The following THRB variants were observed in gnomAD, a reference collection of about 807,000 sequenced individuals.
THRB encodes nuclear receptor subfamily 1 group A member 2.
A neutral mutation model predicts 47.8 loss-of-function variants in THRB; 12 were observed. The observed-to-expected ratio is 0.25, with a 90% CI of 0.16 to 0.41. The LOEUF (loss-of-function observed/expected upper bound fraction) is 0.41. THRB is among the 10% of genes least tolerant of loss of function. THRB has a pLI of 1.00. For synonymous variants in THRB, 218 were observed against 212.2 expected (o/e 1.03, Z -0.24); for missense variants, 348 against 589.2 (o/e 0.59, Z 4.24).
chr3:24,259,619 C>CTT (rs1559757815), intron 3 of THRB, among the ~76,000 whole-genome samples: 2 of 52,468 alleles, frequency 3.8e-5, no homozygotes, highest in African/African-American at 1.4e-4. Context: ...GCTCTGCTTA[C>CTT]CTTTTTTTTT....
At position 24,141,379 on chromosome 3, in the gene THRB, CACA is replaced by C. The variant is rs576430880; in HGVS notation, c.738+2119_738+2121del. ...GTGGTTTCTCTGCTTCCAGACATAGCACAACGTCATCTCCTCAGAGATGCTTCT... is the reference window on the plus strand; with the variant it reads ...GTGGTTTCTCTGCTTCCAGACATAGCACGTCATCTCCTCAGAGATGCTTCT... On this transcript the variant is annotated intron_variant, in intron 8 of 10. Coordinates refer to ENST00000646209, the MANE Select transcript of THRB (RefSeq NM_001354712.2). 2.5e-3 allele frequency among the ~76,000 whole-genome samples: 381 copies of C among 152,296 alleles called. 3 individuals are homozygous for C. Among genetic ancestry groups the C allele is most frequent in the African/African-American group, 8.6e-3 (356 of 41,546 alleles).
At chr3:24,478,689 G>A (rs1410660517) in intron 1 of THRB, among the ~76,000 whole-genome samples, 3 of 152,130 alleles carry the variant, frequency 2.0e-5, no homozygotes, top group South Asian at 4.2e-4. Context: ...ATTGGCCCAC[G>A]GAGCAGGAGG....
At chr3:24,398,344 C>T (rs1455355802) in intron 1 of THRB, among the ~76,000 whole-genome samples, 1 of 152,030 alleles carries the variant, frequency 6.6e-6, no homozygotes, top group Non-Finnish European at 1.5e-5. Context: ...TGACAAAGGG[C>T]TAATATCCAG....
At chr3:24,207,998 C>T (rs947977126) in intron 4 of THRB, among the ~76,000 whole-genome samples, 1 of 152,200 alleles carries the variant, frequency 6.6e-6, no homozygotes, top group East Asian at 1.9e-4. Flanking sequence ...TTCAGCAAAG[C>T]CTCAGGACAC....
chr3:24,436,430 T>G (rs1280083348), intron 1 of THRB, among the ~76,000 whole-genome samples: 9 of 151,698 alleles, frequency 5.9e-5, no homozygotes, highest in Admixed American at 5.9e-4. Flanking sequence ...AAAGACGGAG[T>G]CAGAACTCAA....
At chr3:24,147,915 AATG>A (rs1336464102) in intron 6 of THRB, among the ~76,000 whole-genome samples, 1 of 152,100 alleles carries the variant, frequency 6.6e-6, no homozygotes, top group Non-Finnish European at 1.5e-5. Context: ...ACCACCCAGC[AATG>A]ACCCCCACCT....
chr3:24,127,781 G>C, intron 9 of THRB, 24 bp from the exon 10 acceptor site: 1 of 1,614,140 alleles, frequency 6.2e-7, no homozygotes, highest in Non-Finnish European at 8.5e-7. Flanking sequence ...GTTCATGTCA[G>C]CAAAGAACAA....
At chr3:24,372,233 G>T (rs1197259965) in intron 1 of THRB, among the ~76,000 whole-genome samples, 1 of 151,992 alleles carries the variant, frequency 6.6e-6, no homozygotes, top group African/African-American at 2.4e-5. Context: ...TATAGTATTT[G>T]CTGATTTTCA....
At chr3:24,178,215 G>A (rs1276956471) in intron 5 of THRB, among the ~76,000 whole-genome samples, 6 of 152,106 alleles carry the variant, frequency 3.9e-5, no homozygotes, top group African/African-American at 1.4e-4. Context: ...AGATATAAGT[G>A]GTTTGGAAGA....
chr3:24,377,550 G>A (rs1312857658), intron 1 of THRB, among the ~76,000 whole-genome samples: 1 of 152,150 alleles, frequency 6.6e-6, no homozygotes, highest in Non-Finnish European at 1.5e-5. Flanking sequence ...ATTTAGCTCT[G>A]TCAAAAGGAT....
At chr3:24,446,025 C>G (rs1336334946) in intron 1 of THRB, among the ~76,000 whole-genome samples, 1 of 151,992 alleles carries the variant, frequency 6.6e-6, no homozygotes, top group Non-Finnish European at 1.5e-5. Context: ...GAGAAAAAAA[C>G]TGGAAGAAAA....
chr3:24,461,669 T>C (rs2073714691), intron 1 of THRB, among the ~76,000 whole-genome samples: 1 of 152,144 alleles, frequency 6.6e-6, no homozygotes, highest in Admixed American at 6.6e-5. Context: ...TCTAGTGAAA[T>C]GAAATAATTG....
intron 5 of THRB, among the ~76,000 whole-genome samples, chr3:24,174,722 T>C (rs965216015): frequency 6.6e-6 from 1 of 152,174 alleles, no homozygotes; most frequent in African/African-American, 2.4e-5. Context: ...TCACACACAG[T>C]TTCCTGCGTA....
At chr3:24,132,607 A>T (rs1201843428) in intron 9 of THRB, among the ~76,000 whole-genome samples, 2 of 152,236 alleles carry the variant, frequency 1.3e-5, no homozygotes, top group Non-Finnish European at 2.9e-5. Flanking sequence ...GACTGTAGAG[A>T]CTGTGGCATC....
rs138843795 is a variant in THRB, at chr3:24,178,350, G to C, written c.283+11724C>G. ...CTGATTCTAATCATGAGGAAAGGCT[G>C]GGTGCGGTGGCTCATGCCTGTAACC... On this transcript the variant is annotated intron_variant, in intron 5 of 10. Coordinates refer to ENST00000646209, the MANE Select transcript of THRB (RefSeq NM_001354712.2). Among the ~76,000 whole-genome samples, 509 of 152,248 alleles carry C rather than the reference G, an allele frequency of 3.3e-3. 2 individuals are homozygous for C. The highest frequency in any genetic ancestry group is 0.011 in the African/African-American group (468 of 41,538).
At chr3:24,351,634 T>A (rs2063359940) in intron 1 of THRB, among the ~76,000 whole-genome samples, 1 of 152,158 alleles carries the variant, frequency 6.6e-6, no homozygotes, top group African/African-American at 2.4e-5. Flanking sequence ...ATTGTCTTAA[T>A]CTTTTCCAGA....
chr3:24,453,599 T>A (rs2072882928), intron 1 of THRB, among the ~76,000 whole-genome samples: 1 of 152,232 alleles, frequency 6.6e-6, no homozygotes, highest in Non-Finnish European at 1.5e-5. Context: ...TCAATCTTCA[T>A]GAAACAGCTA....
chr3:24,158,509 G>GCTT lies in THRB; in HGVS notation c.284-6022_284-6020dup, dbSNP rs549029626. Among the ~76,000 whole-genome samples the GCTT allele has an allele frequency of 6.8e-3, 1,035 of 151,548 alleles. 13 individuals carry two copies. The highest frequency in any genetic ancestry group is 0.024 in the African/African-American group (975 of 41,216). ...AATGGCACGATCTCGGCTCGCTGCA[G>GCTT]CTTCCACCTCCTGGGTTCAAGTGAT... On this transcript the variant is annotated intron_variant, in intron 5 of 10. Coordinates refer to ENST00000646209, the MANE Select transcript of THRB (RefSeq NM_001354712.2).
intron 9 of THRB, among the ~76,000 whole-genome samples, chr3:24,130,996 G>C (rs987665801): frequency 2.0e-5 from 3 of 152,200 alleles, no homozygotes; most frequent in Non-Finnish European, 4.4e-5. Context: ...AAGGTAAAAA[G>C]TTGGTACAGT....
Sources: allele counts gnomAD v4.1 joint callset (sites outside exome capture counted in the v4.1 genomes callset), GRCh38; gene constraint gnomAD v4.1.1; transcripts MANE v1.5; gene names NCBI Gene and HGNC (gene_info 2026-07-23, HGNC 2026-07-21).